Variants in CCSER1 observed in about 807,000 individuals in gnomAD.
CCSER1 encodes the protein coiled-coil serine rich protein 1.
Under a neutral mutation model 82.0 loss-of-function variants are expected in CCSER1, and 41 were observed. The ratio of observed to expected loss-of-function variants is 0.50; its 90% confidence interval spans 0.39 to 0.65. The LOEUF is 0.65. CCSER1 is among the 30% of genes least tolerant of loss of function. The pLI, the probability that CCSER1 is intolerant of heterozygous loss-of-function variation, is 0.00. For synonymous variants in CCSER1, 414 were observed against 383.9 expected (o/e 1.08, Z -0.92); for missense variants, 1,119 against 1,064.2 (o/e 1.05, Z -0.72).
intron 10 of CCSER1, among the ~76,000 whole-genome samples, chr4:91,467,501 G>C (rs1249215454): frequency 6.6e-6 from 1 of 152,082 alleles, no homozygotes; most frequent in Non-Finnish European, 1.5e-5. Flanking sequence ...ATAGACAAAT[G>C]GGATCTAATT....
chr4:91,303,897 A>T (rs1158243344), intron 10 of CCSER1, among the ~76,000 whole-genome samples: 1 of 152,022 alleles, frequency 6.6e-6, no homozygotes, highest in Non-Finnish European at 1.5e-5. Context: ...AATAAGGGAA[A>T]CTGTGGAGCA....
At chr4:91,172,536 A>G (rs1256025380) in intron 10 of CCSER1, among the ~76,000 whole-genome samples, 1 of 152,224 alleles carries the variant, frequency 6.6e-6, no homozygotes, top group Non-Finnish European at 1.5e-5. Flanking sequence ...GGACTTTGGA[A>G]GCAATGATTA....
At chr4:90,459,693 C>T (rs1206140490) in intron 4 of CCSER1, among the ~76,000 whole-genome samples, 1 of 151,732 alleles carries the variant, frequency 6.6e-6, no homozygotes, top group East Asian at 1.9e-4. Flanking sequence ...TGGATTAGCG[C>T]CCACCATAAT....
chr4:90,614,366 AC>A (rs1271039627), intron 5 of CCSER1, among the ~76,000 whole-genome samples: 1 of 152,176 alleles, frequency 6.6e-6, no homozygotes, highest in Non-Finnish European at 1.5e-5. Flanking sequence ...GTGAAGAGTC[AC>A]ATTTCTCTAA....
intron 5 of CCSER1, 21 bp downstream of exon 5, chr4:90,468,375 TTCAAGGCCTTGTAAAA>T (rs780165198): frequency 2.5e-6 from 4 of 1,592,896 alleles, no homozygotes; most frequent in Non-Finnish European, 3.4e-6. Flanking sequence ...CATTTAATTT[TTCAAGGCCTTGTAAAA>T]TCAATTAGAT....
chr4:90,719,002 C>T (rs550075790), intron 6 of CCSER1, among the ~76,000 whole-genome samples: 171 of 152,074 alleles, frequency 1.1e-3, no homozygotes, highest in African/African-American at 4.0e-3. Context: ...TTGTTATTCC[C>T]GAGTCACATT....
chr4:91,093,712 A>G (rs1724208588), intron 10 of CCSER1, among the ~76,000 whole-genome samples: 1 of 152,298 alleles, frequency 6.6e-6, no homozygotes, highest in East Asian at 1.9e-4. Flanking sequence ...TTTCTGACAC[A>G]TAGAGTGTAA....
intron 1 of CCSER1, among the ~76,000 whole-genome samples, chr4:90,300,442 A>G (rs1265942562): frequency 2.6e-5 from 4 of 152,198 alleles, no homozygotes; most frequent in Non-Finnish European, 5.9e-5. Context: ...AAAAAACTCT[A>G]TAAAATAATT....
Position 90,511,449 on chromosome 4 carries a change from C to T in CCSER1, c.1724+43095C>T, listed in dbSNP as rs939976071. On this transcript the variant is annotated intron_variant, in intron 5 of 10. Transcript: ENST00000509176. ...GAAAGAAGATAAAAATCCTTGGTAA[C>T]TTCAACACAGCTTTACGTTGGTGAA... Among the ~76,000 whole-genome samples, 26 of 152,186 alleles carry T rather than the reference C, an allele frequency of 1.7e-4. No individual in the cohort carries two copies. The East Asian group carries it at 1.9e-3, about 11-fold the overall frequency.
At chr4:90,481,303 A>T (rs1304653366) in intron 5 of CCSER1, among the ~76,000 whole-genome samples, 2 of 152,204 alleles carry the variant, frequency 1.3e-5, no homozygotes, top group Non-Finnish European at 2.9e-5. Context: ...ATATACAATC[A>T]TGTCATCTGC....
chr4:91,023,000 A>T (rs1193420123), intron 9 of CCSER1, among the ~76,000 whole-genome samples: 1 of 152,124 alleles, frequency 6.6e-6, no homozygotes, highest in African/African-American at 2.4e-5. Flanking sequence ...GCTGTGCAGA[A>T]GCTCTTTAGT....
At chr4:91,135,969 C>T (rs1049422417) in intron 10 of CCSER1, among the ~76,000 whole-genome samples, 1 of 152,104 alleles carries the variant, frequency 6.6e-6, no homozygotes. Flanking sequence ...GACATACATA[C>T]ATTATGTTGC....
intron 10 of CCSER1, among the ~76,000 whole-genome samples, chr4:91,164,434 C>A (rs1418234504): frequency 6.6e-6 from 1 of 152,064 alleles, no homozygotes; most frequent in Non-Finnish European, 1.5e-5. Flanking sequence ...TGAGGAGGAT[C>A]TTTGTGGTAT....
chr4:90,587,694 T>G (rs886180666), intron 5 of CCSER1, among the ~76,000 whole-genome samples: 2 of 152,216 alleles, frequency 1.3e-5, no homozygotes, highest in African/African-American at 4.8e-5. Context: ...CTTTTACCAC[T>G]TAAGTTGCTT....
intron 6 of CCSER1, among the ~76,000 whole-genome samples, chr4:90,705,756 C>T (rs72875620): frequency 0.15 from 23,184 of 152,182 alleles, 1,988 homozygotes; most frequent in Non-Finnish European, 0.19. Flanking sequence ...GCTCCATGGT[C>T]GTGGGACCCT....
intron 10 of CCSER1, among the ~76,000 whole-genome samples, chr4:91,247,911 A>ACGAACC (rs376123928): frequency 0.01 from 1,583 of 152,116 alleles, 16 homozygotes; most frequent in African/African-American, 0.036. Context: ...AACAAAAAAC[A>ACGAACC]CGAACCGGGA....
In CCSER1 at chr4:91,567,876, T is replaced by C. The variant is rs530963705; in HGVS notation, c.2218-30696T>C. Among the ~76,000 whole-genome samples, 102 of 152,268 alleles carry C rather than the reference T, an allele frequency of 6.7e-4. No homozygotes were observed. In the South Asian group the frequency reaches 8.5e-3, roughly 13 times the overall value. ...AGCCCATTTACACTCAAGGTTAGTA[T>C]TGATATGTATGGATTTCATCCTATC... On this transcript the variant is annotated intron_variant, in intron 10 of 10. Transcript: ENST00000509176.
At chr4:90,547,163 C>T (rs201097132) in intron 5 of CCSER1, among the ~76,000 whole-genome samples, 1 of 106,074 alleles carries the variant, frequency 9.4e-6, no homozygotes, top group East Asian at 6.2e-4. Flanking sequence ...GTATTTATGA[C>T]TTTTTGGAGT....
At chr4:90,276,893 C>G (rs1727925497) in intron 1 of CCSER1, among the ~76,000 whole-genome samples, 1 of 152,082 alleles carries the variant, frequency 6.6e-6, no homozygotes, top group South Asian at 2.1e-4. Flanking sequence ...CTTGACTTGA[C>G]TCTCAGCTAG....
Sources: allele counts gnomAD v4.1 joint callset (sites outside exome capture counted in the v4.1 genomes callset), GRCh38; gene constraint gnomAD v4.1.1; transcripts MANE v1.5; gene names NCBI Gene and HGNC (gene_info 2026-07-23, HGNC 2026-07-21).